OPCML: variants seen among roughly 807,000 people sequenced by gnomAD.
The protein encoded by OPCML is opioid-binding protein/cell adhesion molecule.
OPCML carries 13 observed loss-of-function variants against 37.8 expected under a neutral mutation model. The ratio of observed to expected loss-of-function variants is 0.34; its 90% confidence interval spans 0.22 to 0.55. The LOEUF (loss-of-function observed/expected upper bound fraction) is 0.55, where lower values mean the gene tolerates loss of function less well. OPCML is among the 20% of genes least tolerant of loss of function. The pLI is 0.91. For synonymous variants in OPCML, 176 were observed against 168.8 expected, an observed-to-expected ratio of 1.04 and a Z score of -0.33; for missense variants, 341 against 435.6, an observed-to-expected ratio of 0.78 and a Z score of 1.93.
chr11:132,968,932 C>T (rs540584200), intron 1 of OPCML, among the ~76,000 whole-genome samples: 25 of 152,184 alleles, frequency 1.6e-4, no homozygotes, highest in African/African-American at 5.5e-4. Context: ...GACATCCTTG[C>T]CTTGTTTCTC....
chr11:133,316,202 G>A lies in OPCML; in HGVS notation c.61+216062C>T, dbSNP rs537077241. On this transcript the variant is annotated intron_variant, in intron 1 of 7. Transcript: ENST00000524381. ...GGGCACATTCTGTATGCTCAGATAG[G>A]AACAAGACTGAGGTGGTTGAAGCAG... Among the ~76,000 whole-genome samples, 7 of 152,246 alleles carry A rather than the reference G, an allele frequency of 4.6e-5. No individual in the cohort carries two copies. In the South Asian group the frequency reaches 1.5e-3, roughly 32 times the overall value.
At chr11:132,850,204 G>C (rs771439400) in intron 2 of OPCML, among the ~76,000 whole-genome samples, 1 of 152,164 alleles carries the variant, frequency 6.6e-6, no homozygotes, top group African/African-American at 2.4e-5. Flanking sequence ...GTGTCCATCA[G>C]GATGTGCATC....
Position 132,990,491 on chromosome 11 carries a change from C to T in OPCML, c.62-47481G>A, listed in dbSNP as rs146120925. 1.9e-3 allele frequency among the ~76,000 whole-genome samples: 290 copies of T among 152,296 alleles called. 2 individuals are homozygous for T. Among genetic ancestry groups the T allele is most frequent in the African/African-American group, 6.7e-3 (277 of 41,562 alleles). On this transcript the variant is annotated intron_variant, in intron 1 of 7. Coordinates refer to ENST00000524381, the MANE Select transcript of OPCML (RefSeq NM_001012393.5). ...GTCCAACTGATTTTCACAACTACTT[C>T]AGTAGGAAAGGTAGGCATTCTATTT...
At chr11:133,270,827 A>G (rs1318540602) in intron 1 of OPCML, among the ~76,000 whole-genome samples, 1 of 152,094 alleles carries the variant, frequency 6.6e-6, no homozygotes, top group Non-Finnish European at 1.5e-5. Context: ...TGAAAAGGAC[A>G]CTCTGCTTCC....
intron 2 of OPCML, among the ~76,000 whole-genome samples, chr11:132,755,667 T>C (rs1946015522): frequency 6.6e-6 from 1 of 152,214 alleles, no homozygotes; most frequent in Non-Finnish European, 1.5e-5. Flanking sequence ...TCTGCTCATA[T>C]TTTTAGTTAG....
intron 1 of OPCML, among the ~76,000 whole-genome samples, chr11:133,407,395 T>C (rs144562684): frequency 8.2e-4 from 125 of 152,326 alleles, no homozygotes; most frequent in African/African-American, 2.6e-3. Flanking sequence ...GCTGCCCTGA[T>C]AAATGGCATT....
chr11:133,199,862 C>T (rs924998888), intron 1 of OPCML, among the ~76,000 whole-genome samples: 3 of 152,164 alleles, frequency 2.0e-5, no homozygotes, highest in Admixed American at 2.0e-4. Context: ...TCTTATTTAT[C>T]ATTAAATCCT....
chr11:132,420,194 C>G lies in OPCML; in HGVS notation c.1016G>C (p.Ter339SerextTer1). 6.2e-7 allele frequency: 1 copy of G among 1,613,768 alleles called. No individual in the cohort carries two copies. The highest frequency in any genetic ancestry group is 8.5e-7 in the Non-Finnish European group (1 of 1,179,752). ...TLLAHFFIKF[*>S] Reference sequence around the variant, plus strand: ...GCTCAGAGGACCTAGGATTTCTTATCAAAACTTGATGAAGAAGTGGGCTAA... The same window carrying G: ...GCTCAGAGGACCTAGGATTTCTTATGAAAACTTGATGAAGAAGTGGGCTAA... The change falls in exon 8 of 8, where the codon TGA becomes TCA. Residue 339 changes from the stop codon to serine (S), a stop_lost. Transcript: ENST00000524381.
intron 3 of OPCML, among the ~76,000 whole-genome samples, chr11:132,641,850 T>C (rs893932032): frequency 6.6e-6 from 1 of 152,170 alleles, no homozygotes; most frequent in Non-Finnish European, 1.5e-5. Flanking sequence ...TCCAATTCTG[T>C]GATTAGTTGT....
At chr11:132,421,142 G>A (rs12417610) in intron 7 of OPCML, among the ~76,000 whole-genome samples, 60,114 of 151,960 alleles carry the variant, frequency 0.4, 12,663 homozygotes, top group African/African-American at 0.55. Flanking sequence ...ATCCTAGCCT[G>A]CTTCAAGGGC....
intron 1 of OPCML, among the ~76,000 whole-genome samples, chr11:132,961,137 T>C (rs748375303): frequency 1.3e-5 from 2 of 152,166 alleles, no homozygotes; most frequent in Non-Finnish European, 2.9e-5. Flanking sequence ...TAAATAGTGC[T>C]GGGCAGGGAG....
At chr11:133,054,303 A>C (rs117719386) in intron 1 of OPCML, among the ~76,000 whole-genome samples, 1 of 152,152 alleles carries the variant, frequency 6.6e-6, no homozygotes, top group Non-Finnish European at 1.5e-5. Flanking sequence ...CAAACTTCTT[A>C]AAAAGTCAGA....
At chr11:133,375,612 T>G (rs968042260) in intron 1 of OPCML, among the ~76,000 whole-genome samples, 1 of 152,176 alleles carries the variant, frequency 6.6e-6, no homozygotes, top group African/African-American at 2.4e-5. Flanking sequence ...GCACTGAACC[T>G]GGGATCTCCT....
At chr11:133,057,071 C>A (rs943395857) in intron 1 of OPCML, among the ~76,000 whole-genome samples, 1 of 152,088 alleles carries the variant, frequency 6.6e-6, no homozygotes, top group Non-Finnish European at 1.5e-5. Context: ...CTCGAACTCC[C>A]GACCTCAGGT....
chr11:132,618,220 G>T (rs1465023295), intron 3 of OPCML, among the ~76,000 whole-genome samples: 4 of 152,300 alleles, frequency 2.6e-5, no homozygotes, highest in East Asian at 3.9e-4. Flanking sequence ...TTAAAGGCTG[G>T]TTTTTTAGTT....
chr11:133,274,348 C>T (rs1297065335), intron 1 of OPCML, among the ~76,000 whole-genome samples: 1 of 152,028 alleles, frequency 6.6e-6, no homozygotes, highest in Non-Finnish European at 1.5e-5. Flanking sequence ...TCCAATATGG[C>T]TCGTAAGAAA....
At chr11:133,467,086 C>G (rs926770817) in intron 1 of OPCML, among the ~76,000 whole-genome samples, 1 of 152,184 alleles carries the variant, frequency 6.6e-6, no homozygotes, top group African/African-American at 2.4e-5. Flanking sequence ...CATGAATTAA[C>G]CCACTGCTCT....
chr11:132,554,869 T>TTTTTTTTTTG, intron 3 of OPCML, among the ~76,000 whole-genome samples: 1 of 108,948 alleles, frequency 9.2e-6, no homozygotes, highest in African/African-American at 4.9e-5. Flanking sequence ...TAAAGTTTTT[T>TTTTTTTTTTG]TTTTTTTTTT....
intron 1 of OPCML, among the ~76,000 whole-genome samples, chr11:133,409,553 C>T (rs1259506744): frequency 6.6e-6 from 1 of 152,134 alleles, no homozygotes; most frequent in Non-Finnish European, 1.5e-5. Context: ...GTTCCAGATG[C>T]CAGGGGTCTT....
Sources: gnomAD v4.1 joint callset for allele counts (sites outside exome capture counted in the v4.1 genomes callset) on GRCh38, gnomAD v4.1.1 for gene constraint, MANE v1.5 for transcripts, NCBI Gene and HGNC (gene_info 2026-07-23, HGNC 2026-07-21) for gene names.